CELF2: variants seen among roughly 807,000 people sequenced by gnomAD.
CELF2 encodes CUG triplet repeat RNA-binding protein 2.
Under a neutral mutation model 62.6 loss-of-function variants are expected in CELF2, and 8 were observed. That is an observed-to-expected ratio of 0.13 (90% CI 0.07 to 0.23). The LOEUF (loss-of-function observed/expected upper bound fraction) is 0.23. Ranked by LOEUF, CELF2 falls within the 10% of genes least tolerant of loss-of-function variation. The probability of loss-of-function intolerance (pLI) is 1.00; values close to 1 mark genes in which losing one functional copy is unlikely to be tolerated. For missense variants in CELF2, 333 were observed against 671.0 expected (o/e 0.50, Z 5.56); for synonymous variants, 258 against 250.0 (o/e 1.03, Z -0.30).
chr10:10,976,646 G>A (rs1259810322), intron 2 of CELF2, among the ~76,000 whole-genome samples: 4 of 151,982 alleles, frequency 2.6e-5, no homozygotes, highest in African/African-American at 7.3e-5. Flanking sequence ...AAAATGATAC[G>A]ATGCACCTAA....
the CELF2 span, among the ~76,000 whole-genome samples, chr10:10,783,838 A>T: frequency 2.0e-5 from 3 of 152,148 alleles, no homozygotes; most frequent in Non-Finnish European, 4.4e-5. Flanking sequence ...ACAAAAAAAA[A>T]GTAGCTGGGC....
the CELF2 span, among the ~76,000 whole-genome samples, chr10:10,649,162 C>T: frequency 6.6e-6 from 1 of 152,148 alleles, no homozygotes; most frequent in Non-Finnish European, 1.5e-5. Context: ...TCATAGATAA[C>T]CCAGCACACA....
chr10:10,601,270 G>T, the CELF2 span, among the ~76,000 whole-genome samples: 5 of 152,204 alleles, frequency 3.3e-5, no homozygotes, highest in Admixed American at 3.3e-4. Flanking sequence ...AGGGGGAATG[G>T]AGGGAAATAC....
At chr10:11,093,218 C>G (rs1213737573) in intron 1 of CELF2, among the ~76,000 whole-genome samples, 1 of 151,310 alleles carries the variant, frequency 6.6e-6, no homozygotes, top group Non-Finnish European at 1.5e-5. Context: ...GACATTTGGT[C>G]TGTTCCCTCT....
rs1213301860 is a variant in CELF2 at position 11,334,840 on chromosome 10, G to C, written c.*5787G>C. 1 of 152,188 alleles carries C rather than the reference G, an allele frequency of 6.6e-6. No individual in the cohort carries two copies. The highest frequency in any genetic ancestry group is 2.4e-5 in the African/African-American group (1 of 41,454). 9.4% of individuals were successfully genotyped at this position (152,188 alleles called of 1,614,324 possible). A position where few individuals can be genotyped will look rare whatever the true frequency, so the allele number is the denominator to read the frequency against. ...TAAAAGAAGTGAGTTCTCCAGGGAAGAAAAATCAACTTAGCCAGTGAAAAG... is the reference window on the plus strand; with the variant it reads ...TAAAAGAAGTGAGTTCTCCAGGGAACAAAAATCAACTTAGCCAGTGAAAAG... On this transcript the variant is annotated 3_prime_UTR_variant, in exon 13 of 13. Transcript: ENST00000633077.
intron 2 of CELF2, among the ~76,000 whole-genome samples, chr10:10,939,501 A>G (rs1365722608): frequency 1.3e-5 from 2 of 151,388 alleles, no homozygotes; most frequent in Admixed American, 1.3e-4. Context: ...GGCCAGGCTG[A>G]TCTCAAACTC....
intron 1 of CELF2, among the ~76,000 whole-genome samples, chr10:11,144,246 A>G (rs946859764): frequency 4.0e-5 from 6 of 148,496 alleles, no homozygotes; most frequent in Admixed American, 4.0e-4. Flanking sequence ...AGTAAGAAGG[A>G]AAAAAAACCG....
At chr10:10,926,184 A>G (rs734367) in intron 2 of CELF2, among the ~76,000 whole-genome samples, 12,680 of 152,146 alleles carry the variant, frequency 0.083, 1,340 homozygotes, top group African/African-American at 0.25. Context: ...GTCCCCCACA[A>G]TTCATGTGCT....
intron 1 of CELF2, among the ~76,000 whole-genome samples, chr10:11,149,844 G>A (rs944748934): frequency 6.6e-6 from 1 of 152,134 alleles, no homozygotes; most frequent in Non-Finnish European, 1.5e-5. Context: ...CATCGACCCC[G>A]ATGGAAATAT....
At chr10:10,699,053 A>G in the CELF2 span, among the ~76,000 whole-genome samples, 10 of 151,964 alleles carry the variant, frequency 6.6e-5, no homozygotes, top group Non-Finnish European at 1.0e-4. Flanking sequence ...TATGTTATCT[A>G]CGTATATTTA....
At chr10:10,811,555 C>T (rs2055893910) in intron 1 of CELF2, among the ~76,000 whole-genome samples, 1 of 152,042 alleles carries the variant, frequency 6.6e-6, no homozygotes, top group Admixed American at 6.6e-5. Context: ...GAAAGACCCT[C>T]CTGAGTTGCA....
chr10:10,537,721 G>C, the CELF2 span, among the ~76,000 whole-genome samples: 1 of 152,018 alleles, frequency 6.6e-6, no homozygotes, highest in Non-Finnish European at 1.5e-5. Flanking sequence ...CCCCATGAGT[G>C]GGTCTCACAT....
chr10:10,576,003 A>C, the CELF2 span, among the ~76,000 whole-genome samples: 3 of 152,220 alleles, frequency 2.0e-5, no homozygotes, highest in Admixed American at 6.5e-5. Context: ...ACATTTTAGC[A>C]GTCTCATGGA....
At chr10:10,668,127 A>G in the CELF2 span, among the ~76,000 whole-genome samples, 2 of 152,230 alleles carry the variant, frequency 1.3e-5, no homozygotes. Context: ...AGCTTTCACC[A>G]TTGACATTTT....
At chr10:11,047,761 C>T (rs2063124299) in intron 1 of CELF2, among the ~76,000 whole-genome samples, 1 of 152,120 alleles carries the variant, frequency 6.6e-6, no homozygotes, top group Non-Finnish European at 1.5e-5. Flanking sequence ...TTCCTGAATA[C>T]TGATTTCAGG....
At chr10:11,009,336 T>C (rs111903489) in intron 1 of CELF2, among the ~76,000 whole-genome samples, 4,401 of 101,276 alleles carry the variant, frequency 0.043, 213 homozygotes, top group African/African-American at 0.33. Flanking sequence ...TGTGTGTGTG[T>C]GCGCGTGTGT....
chr10:10,865,893 A>T (rs1322189418), intron 1 of CELF2, among the ~76,000 whole-genome samples: 1 of 152,038 alleles, frequency 6.6e-6, no homozygotes, highest in African/African-American at 2.4e-5. Context: ...CAGCTACATC[A>T]CTGGGCAAAT....
chr10:10,555,334 A>C, the CELF2 span, among the ~76,000 whole-genome samples: 1 of 151,518 alleles, frequency 6.6e-6, no homozygotes, highest in Non-Finnish European at 1.5e-5. Flanking sequence ...GTCCATCTAA[A>C]GTCTATGGTA....
chr10:11,216,068 C>T (rs2063288597), intron 2 of CELF2, among the ~76,000 whole-genome samples: 1 of 152,162 alleles, frequency 6.6e-6, no homozygotes, highest in African/African-American at 2.4e-5. Context: ...ATGTTCAGTT[C>T]CCTTCATTCA....
Sources: allele counts gnomAD v4.1 joint callset (sites outside exome capture counted in the v4.1 genomes callset), GRCh38; gene constraint gnomAD v4.1.1; transcripts MANE v1.5; gene names NCBI Gene and HGNC (gene_info 2026-07-23, HGNC 2026-07-21).